Variants in MS4A4E observed in about 807,000 individuals in gnomAD.
MS4A4E encodes membrane spanning 4-domains A4E, also known as putative membrane-spanning 4-domains subfamily A member 4E.
In MS4A4E, 23 loss-of-function variants were observed where a neutral mutation model predicts 13.3. The ratio of observed to expected loss-of-function variants is 1.73; its 90% CI spans 1.25 to 2.45. MS4A4E has a LOEUF of 2.45. Among genes scored for constraint, MS4A4E ranks in the 30% most tolerant of loss-of-function variants. The pLI is 0.00. For missense variants in MS4A4E, 144 were observed against 131.2 expected (o/e 1.10, Z -0.48); for synonymous variants, 36 against 45.6 (o/e 0.79, Z 0.85).
chr11:60,235,090 CA>C (rs1177155557), intron 1 of MS4A4E, among the ~76,000 whole-genome samples: 4 of 152,156 alleles, frequency 2.6e-5, no homozygotes, highest in Non-Finnish European at 5.9e-5. Context: ...ATTGAGCATA[CA>C]GTGTAGGTAA....
chr11:60,217,528 C>T (rs1324753542), intron 3 of MS4A4E, among the ~76,000 whole-genome samples: 2 of 152,166 alleles, frequency 1.3e-5, no homozygotes, highest in African/African-American at 4.8e-5. Flanking sequence ...CCTGCGCTGC[C>T]TAATGCAACA....
intron 3 of MS4A4E, chr11:60,225,014 T>A: frequency 6.5e-7 from 1 of 1,548,002 alleles, no homozygotes; most frequent in Non-Finnish European, 8.7e-7. Flanking sequence ...AATGGGATGT[T>A]CTTCATAAGA....
intron 3 of MS4A4E, among the ~76,000 whole-genome samples, chr11:60,225,767 C>T (rs1043588727): frequency 6.6e-6 from 1 of 151,526 alleles, no homozygotes; most frequent in African/African-American, 2.4e-5. Context: ...GCAAATTAAA[C>T]TCCAAGTAAG....
intron 1 of MS4A4E, among the ~76,000 whole-genome samples, chr11:60,235,612 A>G (rs889332667): frequency 6.6e-6 from 1 of 152,222 alleles, no homozygotes; most frequent in African/African-American, 2.4e-5. Context: ...AAGACTGGAT[A>G]TCTTCTATTT....
At chr11:60,242,044 G>A (rs995949635) in intron 1 of MS4A4E, among the ~76,000 whole-genome samples, 4 of 152,084 alleles carry the variant, frequency 2.6e-5, no homozygotes, top group Non-Finnish European at 4.4e-5. Flanking sequence ...TGGTATACAC[G>A]GTCATCCCCT....
intron 3 of MS4A4E, among the ~76,000 whole-genome samples, chr11:60,220,984 G>A (rs184371651): frequency 6.6e-6 from 1 of 152,340 alleles, no homozygotes; most frequent in South Asian, 2.1e-4. Flanking sequence ...CCATAGAACA[G>A]AGCAGATCTA....
intron 5 of MS4A4E, among the ~76,000 whole-genome samples, chr11:60,210,107 G>A (rs766663339): frequency 1.3e-5 from 2 of 152,166 alleles, no homozygotes; most frequent in African/African-American, 2.4e-5. Context: ...AAGGTCTCTG[G>A]CACACACATT....
At chr11:60,230,579 C>G (rs982282388) in intron 1 of MS4A4E, among the ~76,000 whole-genome samples, 7 of 152,190 alleles carry the variant, frequency 4.6e-5, no homozygotes, top group Non-Finnish European at 8.8e-5. Flanking sequence ...GTCCCATAAG[C>G]TCTGAACTCT....
intron 2 of MS4A4E, 54 bp from the exon 3 acceptor site, chr11:60,228,681 C>T (rs1590723512): frequency 1.5e-6 from 1 of 688,236 alleles, no homozygotes; most frequent in East Asian, 2.7e-5. Context: ...GTTTGGAAGC[C>T]ATCAAGATGT....
At chr11:60,206,199 G>A (rs1172895203) in intron 6 of MS4A4E, among the ~76,000 whole-genome samples, 1 of 151,976 alleles carries the variant, frequency 6.6e-6, no homozygotes, top group Non-Finnish European at 1.5e-5. Flanking sequence ...TAAGTGAGAG[G>A]AATGTTATAC....
intron 3 of MS4A4E, among the ~76,000 whole-genome samples, chr11:60,218,811 A>G (rs12286935): frequency 0.01 from 1,596 of 152,296 alleles, 34 homozygotes; most frequent in African/African-American, 0.036. Flanking sequence ...TAATTTATAT[A>G]AGCAGAAATC....
chr11:60,215,450 G>T (rs983466158), intron 3 of MS4A4E, among the ~76,000 whole-genome samples: 2 of 151,292 alleles, frequency 1.3e-5, no homozygotes, highest in South Asian at 2.1e-4. Context: ...TAAGAAAAAC[G>T]TTACCTGTTA....
chr11:60,237,004 G>A (rs1279448088), intron 1 of MS4A4E, among the ~76,000 whole-genome samples: 1 of 152,138 alleles, frequency 6.6e-6, no homozygotes, highest in African/African-American at 2.4e-5. Flanking sequence ...CCAAAGTTCT[G>A]GGATTATAGG....
chr11:60,232,322 C>CACACACA (rs58202966), intron 1 of MS4A4E, among the ~76,000 whole-genome samples: 12 of 112,368 alleles, frequency 1.1e-4, no homozygotes, highest in South Asian at 3.1e-4. Context: ...CACACACACA[C>CACACACA]CAAAAATGAA....
intron 1 of MS4A4E, among the ~76,000 whole-genome samples, chr11:60,242,142 A>C (rs552466882): frequency 1.6e-4 from 24 of 152,340 alleles, no homozygotes; most frequent in Admixed American, 1.0e-3. Context: ...GGGATGCAGA[A>C]ATGGTGGCAT....
At chr11:60,213,565 A>G (rs2084152140) in intron 4 of MS4A4E, among the ~76,000 whole-genome samples, 1 of 152,250 alleles carries the variant, frequency 6.6e-6, no homozygotes, top group South Asian at 2.1e-4. Context: ...TAAGGTAAGG[A>G]GGCTTTTTAT....
chr11:60,238,904 T>C (rs1424312748), intron 1 of MS4A4E, among the ~76,000 whole-genome samples: 1 of 152,206 alleles, frequency 6.6e-6, no homozygotes, highest in East Asian at 1.9e-4. Context: ...CTTTGCAAAA[T>C]GTCAACCATG....
chr11:60,233,663 G>T (rs1436312919), intron 1 of MS4A4E, among the ~76,000 whole-genome samples: 1 of 152,204 alleles, frequency 6.6e-6, no homozygotes, highest in Non-Finnish European at 1.5e-5. Context: ...AAGAGATGTA[G>T]GGGCATGGCT....
intron 3 of MS4A4E, among the ~76,000 whole-genome samples, chr11:60,224,078 G>A (rs987608984): frequency 6.6e-6 from 1 of 152,108 alleles, no homozygotes; most frequent in Non-Finnish European, 1.5e-5. Context: ...TATAATGCTA[G>A]AATAGATTCC....
Sources: gnomAD v4.1 joint callset for allele counts (sites outside exome capture counted in the v4.1 genomes callset) on GRCh38, gnomAD v4.1.1 for gene constraint, MANE v1.5 for transcripts, NCBI Gene and HGNC (gene_info 2026-07-23, HGNC 2026-07-21) for gene names.